The following ZFHX3 variants were observed in gnomAD, a reference collection of about 807,000 sequenced individuals.
ZFHX3 encodes zinc finger homeobox 3, also known as zinc finger homeobox protein 3.
ZFHX3 carries 42 observed loss-of-function variants against 279.1 expected under a neutral mutation model. The observed-to-expected ratio is 0.15, with a 90% CI of 0.12 to 0.19. The LOEUF is 0.19. ZFHX3 is among the 10% of genes least tolerant of loss of function. The pLI is 1.00. For missense variants in ZFHX3, 4,981 were observed against 4,754.0 expected (o/e 1.05, Z -1.40); for synonymous variants, 2,293 against 1,957.8 (o/e 1.17, Z -4.52).
At chr16:73,449,193 T>C (rs1344990235) in intron 3 of ZFHX3, among the ~76,000 whole-genome samples, 1 of 152,216 alleles carries the variant, frequency 6.6e-6, no homozygotes, top group Non-Finnish European at 1.5e-5. Flanking sequence ...GAAAGTGTGA[T>C]TCCTCAAATT....
intron 4 of ZFHX3, among the ~76,000 whole-genome samples, chr16:73,292,114 G>A (rs1212665371): frequency 6.6e-6 from 1 of 152,064 alleles, no homozygotes; most frequent in Non-Finnish European, 1.5e-5. Context: ...GTATAGATTG[G>A]GGAGGAAACC....
chr16:73,884,201 T>C (rs958303012), intron 1 of ZFHX3, among the ~76,000 whole-genome samples: 1 of 152,302 alleles, frequency 6.6e-6, no homozygotes, highest in Admixed American at 6.5e-5. Context: ...GTATGGTTTC[T>C]GGAAGACAAA....
chr16:72,921,316 T>A (rs568453696), intron 3 of ZFHX3, among the ~76,000 whole-genome samples: 1 of 152,138 alleles, frequency 6.6e-6, no homozygotes, highest in African/African-American at 2.4e-5. Flanking sequence ...TTCACAGAAA[T>A]GTGATCGTGG....
intron 3 of ZFHX3, among the ~76,000 whole-genome samples, chr16:73,432,423 G>A (rs2017925626): frequency 6.6e-6 from 1 of 152,120 alleles, no homozygotes; most frequent in Admixed American, 6.5e-5. Flanking sequence ...CTTTGACAAA[G>A]GGGTGAGGAG....
At chr16:73,496,051 C>T (rs1299278310) in intron 2 of ZFHX3, among the ~76,000 whole-genome samples, 3 of 152,272 alleles carry the variant, frequency 2.0e-5, no homozygotes, top group South Asian at 4.1e-4. Context: ...TTTGCAGACT[C>T]GCACACACGG....
In ZFHX3 at chr16:73,143,876, T is replaced by A; in HGVS notation, c.-1103-45A>T. The A allele has an allele frequency of 6.3e-6, 6 of 951,528 alleles. No homozygotes were observed. In the South Asian group the frequency reaches 8.5e-5, roughly 14 times the overall value. 58.9% of individuals were successfully genotyped at this position (951,528 alleles called of 1,614,324 possible). ...ACAAAAACACGGTTGGGGAGATGTT[T>A]GGCAAACCTTCGCAGGCCAAGTGGC... is the stretch of plus-strand genomic sequence containing the variant. On this transcript the variant is annotated intron_variant, in intron 5 of 17. Coordinates refer to the ZFHX3 transcript ENST00000641206.
At chr16:73,735,163 T>C (rs932292050) in intron 1 of ZFHX3, among the ~76,000 whole-genome samples, 2 of 152,106 alleles carry the variant, frequency 1.3e-5, no homozygotes, top group Non-Finnish European at 2.9e-5. Context: ...ACAAAACTTG[T>C]TTCATCTTGC....
chr16:73,662,906 T>C (rs1166612836), intron 2 of ZFHX3, among the ~76,000 whole-genome samples: 1 of 152,164 alleles, frequency 6.6e-6, no homozygotes, highest in East Asian at 1.9e-4. Flanking sequence ...GGGGCTTTTT[T>C]TTCTTCTTCT....
At chr16:72,956,831 C>CAAAAA (rs11402709) in intron 2 of ZFHX3, among the ~76,000 whole-genome samples, 28 of 148,346 alleles carry the variant, frequency 1.9e-4, no homozygotes, top group Non-Finnish European at 2.1e-4. Flanking sequence ...CAAAAATAAG[C>CAAAAA]AAAAAAAAAA....
chr16:73,409,642 T>C (rs1597323581), intron 3 of ZFHX3, among the ~76,000 whole-genome samples: 1 of 152,338 alleles, frequency 6.6e-6, no homozygotes, highest in East Asian at 1.9e-4. Context: ...GGGAAATTAG[T>C]ATATCAAAGA....
intron 1 of ZFHX3, among the ~76,000 whole-genome samples, chr16:73,874,161 G>T (rs2029885429): frequency 6.6e-6 from 1 of 152,024 alleles, no homozygotes; most frequent in Admixed American, 6.5e-5. Context: ...TTAAGTGTAG[G>T]TGTACCCAGT....
chr16:73,023,811 C>T (rs1049849962), intron 1 of ZFHX3, among the ~76,000 whole-genome samples: 3 of 152,204 alleles, frequency 2.0e-5, no homozygotes, highest in Non-Finnish European at 4.4e-5. Context: ...AACGACCACA[C>T]ACACCACGAC....
intron 1 of ZFHX3, among the ~76,000 whole-genome samples, chr16:73,862,151 T>C (rs1237774287): frequency 2.0e-5 from 3 of 152,204 alleles, no homozygotes; most frequent in South Asian, 2.1e-4. Context: ...CTGAAACCAG[T>C]AGCCATGGCA....
At chr16:73,257,819 G>C (rs1489678479) in intron 4 of ZFHX3, among the ~76,000 whole-genome samples, 1 of 152,232 alleles carries the variant, frequency 6.6e-6, no homozygotes, top group Non-Finnish European at 1.5e-5. Flanking sequence ...TGGTTATACA[G>C]GCAAGAGCAC....
intron 1 of ZFHX3, among the ~76,000 whole-genome samples, chr16:73,801,977 CGCCGTTAGAGGAACA>C (rs1960159228): frequency 6.6e-6 from 1 of 152,140 alleles, no homozygotes; most frequent in Admixed American, 6.5e-5. Flanking sequence ...GATCTCTCCT[CGCCGTTAGAGGAACA>C]GCCCACCTGA....
chr16:73,398,856 G>T (rs1315986426), intron 3 of ZFHX3, among the ~76,000 whole-genome samples: 6 of 151,160 alleles, frequency 4.0e-5, no homozygotes, highest in South Asian at 2.1e-4. Context: ...AGTGGCAGTG[G>T]TTTTTTTTGT....
At chr16:73,578,161 T>A (rs1597008698) in intron 2 of ZFHX3, among the ~76,000 whole-genome samples, 1 of 152,216 alleles carries the variant, frequency 6.6e-6, no homozygotes, top group Non-Finnish European at 1.5e-5. Flanking sequence ...CCGGTCTACC[T>A]GGGGTTACTT....
At chr16:73,687,136 C>G (rs758236785) in intron 1 of ZFHX3, among the ~76,000 whole-genome samples, 1 of 144,690 alleles carries the variant, frequency 6.9e-6, no homozygotes, top group African/African-American at 2.6e-5. Context: ...CAACTGTAAT[C>G]CCAACAGTAT....
At chr16:72,848,651 C>A (rs962089094) in intron 4 of ZFHX3, among the ~76,000 whole-genome samples, 1 of 150,106 alleles carries the variant, frequency 6.7e-6, no homozygotes, top group African/African-American at 2.5e-5. Flanking sequence ...CCTCCCACCC[C>A]CTATGCCACT....
Sources: gnomAD v4.1 joint callset for allele counts (sites outside exome capture counted in the v4.1 genomes callset) on GRCh38, gnomAD v4.1.1 for gene constraint, MANE v1.5 for transcripts, NCBI Gene and HGNC (gene_info 2026-07-23, HGNC 2026-07-21) for gene names.